NFE2L3: variants seen among roughly 807,000 people sequenced by gnomAD.
The protein encoded by NFE2L3 is nuclear factor erythroid 2-related factor 3.
In NFE2L3, 18 loss-of-function variants were observed where a neutral mutation model predicts 23.5. The ratio of observed to expected loss-of-function variants is 0.77; its 90% CI spans 0.53 to 1.13. The LOEUF (loss-of-function observed/expected upper bound fraction) is 1.13. NFE2L3 is among the 50% of genes most tolerant of loss of function. The pLI is 0.00. For missense variants in NFE2L3, 1,152 were observed against 877.2 expected (o/e 1.31, Z -3.96); for synonymous variants, 424 against 354.5 (o/e 1.20, Z -2.20).
At chr7:26,181,815 A>G (rs1007651484) in intron 2 of NFE2L3, among the ~76,000 whole-genome samples, 3 of 152,186 alleles carry the variant, frequency 2.0e-5, no homozygotes, top group African/African-American at 7.2e-5. Context: ...CCCAAATGAA[A>G]TTCTAGATAT....
Position 26,185,882 on chromosome 7 carries a change from T to G in NFE2L3, c.*99T>G. ...TGAAACTGCTTCAAGAATTGTATCTTTAAGTACTGCTACTTGAATAACTCA... is the reference window on the plus strand; with the variant it reads ...TGAAACTGCTTCAAGAATTGTATCTGTAAGTACTGCTACTTGAATAACTCA... On this transcript the variant is annotated 3_prime_UTR_variant, in exon 4 of 4. Transcript: ENST00000056233. The G allele has an allele frequency of 1.0e-6, 1 of 965,716 alleles. No homozygotes were observed. The highest frequency in any genetic ancestry group is 1.5e-6 in the Non-Finnish European group (1 of 663,134). 59.8% of individuals were successfully genotyped at this position (965,716 alleles called of 1,614,324 possible).
At chr7:26,183,089 AATT>A (rs1782365319) in intron 2 of NFE2L3, among the ~76,000 whole-genome samples, 1 of 152,152 alleles carries the variant, frequency 6.6e-6, no homozygotes, top group East Asian at 2.0e-4. Context: ...ACCTGGCCAA[AATT>A]ATATAATTGT....
At chr7:26,163,916 C>T (rs1258386013) in intron 1 of NFE2L3, among the ~76,000 whole-genome samples, 1 of 151,736 alleles carries the variant, frequency 6.6e-6, no homozygotes, top group Non-Finnish European at 1.5e-5. Flanking sequence ...GTGTGGTTTT[C>T]TGTTCTTGTG....
At chr7:26,178,970 T>A (rs1445885319) in intron 2 of NFE2L3, among the ~76,000 whole-genome samples, 2 of 152,168 alleles carry the variant, frequency 1.3e-5, no homozygotes, top group Admixed American at 1.3e-4. Flanking sequence ...GAGAGTACCA[T>A]GCCCTGACCC....
intron 2 of NFE2L3, among the ~76,000 whole-genome samples, chr7:26,178,972 C>T (rs1784461775): frequency 1.3e-5 from 2 of 152,150 alleles, no homozygotes; most frequent in Non-Finnish European, 2.9e-5. Context: ...GAGTACCATG[C>T]CCTGACCCTT....
At chr7:26,178,652 C>T (rs1240598002) in intron 2 of NFE2L3, among the ~76,000 whole-genome samples, 1 of 152,164 alleles carries the variant, frequency 6.6e-6, no homozygotes, top group Non-Finnish European at 1.5e-5. Flanking sequence ...TACTCTTTGG[C>T]TGTGAGAAGA....
intron 1 of NFE2L3, among the ~76,000 whole-genome samples, chr7:26,177,326 C>T (rs1422543858): frequency 6.6e-6 from 1 of 152,176 alleles, no homozygotes; most frequent in African/African-American, 2.4e-5. Context: ...ATTGAGTGAG[C>T]GAGACTCCCT....
intron 2 of NFE2L3, 124 bp downstream of exon 2, chr7:26,178,246 A>G: frequency 2.7e-6 from 2 of 732,568 alleles, no homozygotes; most frequent in Non-Finnish European, 4.4e-6. Flanking sequence ...AATATGATAT[A>G]TGAAAATACC....
At chr7:26,155,817 T>TA (rs1784073473) in intron 1 of NFE2L3, among the ~76,000 whole-genome samples, 1 of 152,170 alleles carries the variant, frequency 6.6e-6, no homozygotes, top group Admixed American at 6.5e-5. Flanking sequence ...TGCCCTCCCA[T>TA]AAGCTGCTTG....
At chr7:26,158,027 G>A (rs1360494798) in intron 1 of NFE2L3, among the ~76,000 whole-genome samples, 1 of 147,964 alleles carries the variant, frequency 6.8e-6, no homozygotes, top group Non-Finnish European at 1.5e-5. Context: ...TCCCTTTTTT[G>A]TTGTTGGGGT....
chr7:26,152,370 T>C lies in NFE2L3; in HGVS notation c.-129T>C, dbSNP rs1784009337. On this transcript the variant is annotated 5_prime_UTR_variant, in exon 1 of 4. Coordinates refer to ENST00000056233, the MANE Select transcript of NFE2L3 (RefSeq NM_004289.7). The surrounding 1 kb of genome is among the most constrained non-coding windows in gnomAD (Gnocchi z 4.4). ...CCGCGACGGCCGCCACGCGCCCCGGTCCATTGTTTCGCTTATCTGGGTTCC... is the reference window on the plus strand; with the variant it reads ...CCGCGACGGCCGCCACGCGCCCCGGCCCATTGTTTCGCTTATCTGGGTTCC... 2 of 543,956 alleles carry C rather than the reference T, an allele frequency of 3.7e-6. No homozygotes were observed. Among genetic ancestry groups the C allele is most frequent in the South Asian group, 1.8e-4 (2 of 11,244 alleles). 33.7% of individuals were successfully genotyped at this position (543,956 alleles called of 1,614,324 possible).
At chr7:26,178,918 A>C (rs567517493) in intron 2 of NFE2L3, among the ~76,000 whole-genome samples, 19 of 152,230 alleles carry the variant, frequency 1.2e-4, no homozygotes, top group Non-Finnish European at 2.1e-4. Context: ...CCCTTCCCAG[A>C]ATGTGGAGTT....
chr7:26,181,859 A>G (rs999022815), intron 2 of NFE2L3, among the ~76,000 whole-genome samples: 4 of 152,196 alleles, frequency 2.6e-5, no homozygotes, highest in African/African-American at 9.6e-5. Flanking sequence ...ATTCAGTGGA[A>G]GTGATGTGAA....
intron 1 of NFE2L3, 97 bp downstream of exon 1, chr7:26,153,165 G>A: frequency 8.1e-7 from 1 of 1,234,374 alleles, no homozygotes; most frequent in Non-Finnish European, 1.1e-6. Flanking sequence ...CTCTCGCTGT[G>A]TCCTGGCACC....
intron 1 of NFE2L3, among the ~76,000 whole-genome samples, chr7:26,164,918 C>G (rs1042733476): frequency 3.9e-4 from 59 of 152,282 alleles, no homozygotes; most frequent in African/African-American, 1.4e-3. Context: ...ATAGGGAATC[C>G]TTTCCCCATT....
At chr7:26,176,570 C>T (rs1318406595) in intron 1 of NFE2L3, among the ~76,000 whole-genome samples, 2 of 119,476 alleles carry the variant, frequency 1.7e-5, no homozygotes, top group African/African-American at 6.5e-5. Flanking sequence ...AGGCGCTCCT[C>T]ACTTCCCAGA....
At chr7:26,184,085 C>G (rs906789357) in intron 3 of NFE2L3, 1 of 410,200 alleles carries the variant, frequency 2.4e-6, no homozygotes, top group Non-Finnish European at 4.4e-6. Flanking sequence ...GACACCTGCA[C>G]CCCCATGTTT....
intron 1 of NFE2L3, among the ~76,000 whole-genome samples, chr7:26,176,982 G>A (rs370014654): frequency 2.5e-5 from 1 of 39,560 alleles, no homozygotes; most frequent in Non-Finnish European, 4.1e-5. Flanking sequence ...GGGCAGAGGC[G>A]CTCCTCACAT....
intron 3 of NFE2L3, 154 bp from the exon 4 acceptor site, chr7:26,184,379 T>C: frequency 1.6e-6 from 1 of 636,788 alleles, no homozygotes. Context: ...CGTATTGTAT[T>C]GCCTGTATTT....
Sources: allele counts gnomAD v4.1 joint callset (sites outside exome capture counted in the v4.1 genomes callset), GRCh38; gene constraint gnomAD v4.1.1; non-coding constraint Gnocchi (gnomAD v3.1); transcripts MANE v1.5; gene names NCBI Gene and HGNC (gene_info 2026-07-23, HGNC 2026-07-21).